The following KCTD1 variants were observed in gnomAD, a reference collection of about 807,000 sequenced individuals.
KCTD1 encodes the protein BTB/POZ domain-containing protein KCTD1.
In KCTD1, 24 loss-of-function variants were observed where a neutral mutation model predicts 66.0. That is an observed-to-expected ratio of 0.36 (90% CI 0.26 to 0.51). The LOEUF is 0.51. KCTD1 is among the 20% of genes least tolerant of loss of function. The pLI, the probability that KCTD1 is intolerant of heterozygous loss-of-function variation, is 0.95. For missense variants in KCTD1, 943 were observed against 1,205.2 expected (o/e 0.78, Z 3.22); for synonymous variants, 511 against 517.2 (o/e 0.99, Z 0.16).
chr18:26,646,715 G>A (rs1174968811), intron 1 of KCTD1, among the ~76,000 whole-genome samples: 2 of 151,994 alleles, frequency 1.3e-5, no homozygotes, highest in Non-Finnish European at 2.9e-5. Flanking sequence ...TTTTTTAAGA[G>A]GGAAAAAGAA....
intron 1 of KCTD1, among the ~76,000 whole-genome samples, chr18:26,576,579 G>GA (rs1175722573): frequency 6.6e-6 from 1 of 152,082 alleles, no homozygotes; most frequent in Admixed American, 6.6e-5. Flanking sequence ...ATACAGAGGG[G>GA]AAAAAATGAA....
intron 1 of KCTD1, among the ~76,000 whole-genome samples, chr18:26,503,174 C>T (rs1190860030): frequency 6.6e-6 from 1 of 152,020 alleles, no homozygotes; most frequent in Non-Finnish European, 1.5e-5. Context: ...GGCTGGTCGG[C>T]TCAAGGGTGT....
At chr18:26,599,808 A>G in intron 1 of KCTD1, 1 of 1,561,124 alleles carries the variant, frequency 6.4e-7, no homozygotes, top group Non-Finnish European at 8.8e-7. Context: ...GGGAGCCCCT[A>G]ACCCCTGAGG....
chr18:26,496,932 G>A (rs186134370), intron 2 of KCTD1, among the ~76,000 whole-genome samples: 34 of 152,306 alleles, frequency 2.2e-4, no homozygotes, highest in African/African-American at 8.2e-4. Flanking sequence ...GTCAGATGGT[G>A]AAAATCAAGA....
chr18:26,472,685 C>T (rs756168316), intron 3 of KCTD1, among the ~76,000 whole-genome samples: 17 of 152,188 alleles, frequency 1.1e-4, no homozygotes, highest in Non-Finnish European at 2.1e-4. Flanking sequence ...GGGGAGCGCC[C>T]GACGTTGGTG....
chr18:26,492,344 C>T (rs761728207), intron 2 of KCTD1, among the ~76,000 whole-genome samples: 2 of 151,990 alleles, frequency 1.3e-5, no homozygotes, highest in Non-Finnish European at 2.9e-5. Flanking sequence ...TGAGAACCAT[C>T]ATTATGAGGC....
chr18:26,481,274 T>C lies in KCTD1; in HGVS notation c.1989-4615A>G, dbSNP rs530971155. On this transcript the variant is annotated intron_variant, in intron 2 of 4. Transcript: ENST00000580059. ...GGGTGTGCACAGTGGGCTCAGGAGG[T>C]GCACCTGGCTCACCTAACTCAATCT... is the stretch of plus-strand genomic sequence containing the variant. 7.2e-5 allele frequency among the ~76,000 whole-genome samples: 11 copies of C among 152,106 alleles called. No homozygotes were observed. The South Asian group carries it at 2.1e-3, about 29-fold the overall frequency.
chr18:26,488,120 C>G (rs1343930616), intron 2 of KCTD1, among the ~76,000 whole-genome samples: 2 of 152,182 alleles, frequency 1.3e-5, no homozygotes, highest in Non-Finnish European at 2.9e-5. Context: ...AAATACAAAC[C>G]ATATCTTCCC....
intron 2 of KCTD1, among the ~76,000 whole-genome samples, chr18:26,480,039 A>AT (rs1567961945): frequency 5.4e-5 from 5 of 92,524 alleles, no homozygotes; most frequent in African/African-American, 1.7e-4. Context: ...CTGGTTTTGG[A>AT]ATTTTTTTTT....
chr18:26,548,462 G>C lies in KCTD1; in HGVS notation c.75C>G (p.Ala25=). The C allele has an allele frequency of 6.3e-6, 8 of 1,262,166 alleles. No individual in the cohort carries two copies. The highest frequency in any genetic ancestry group is 4.7e-5 in the African/African-American group (3 of 64,318). The allele number at this position is 1,262,166 out of a possible 1,614,324, so 78.2% of individuals were successfully genotyped here. ...CCTCGCCCCGCTCCCCATTGTTCTC[G>C]GCGGCGGCGGCGGCAGCGCTGGCGC... ...GGSASAAAAA[A]ENNGERGEGE... is the part of the protein sequence containing the mutation. Residue 25 remains alanine (A), a synonymous_variant, in exon 1 of 5, where the codon GCC becomes GCG. Transcript: ENST00000580059.
At chr18:26,618,109 A>AG (rs1028439903) in intron 1 of KCTD1, among the ~76,000 whole-genome samples, 2 of 150,010 alleles carry the variant, frequency 1.3e-5, no homozygotes, top group African/African-American at 4.9e-5. Context: ...AAAAAAAACA[A>AG]AAAAGACTCT....
rs1432449210 is a variant in KCTD1, at chr18:26,455,787, G to A, written c.2554C>T (p.Arg852Cys). ...TTTATCCGGATGACGGAGGGTACAC[G>A]GGGCGTCCGCCTCAGTTCCCGCCGA... ...VLRRELRRTP[R>C]VPSVIRIKQE... Residue 852 changes from arginine (R) to cysteine (C), a missense_variant, in exon 5 of 5, where the codon CGT becomes TGT. Arg to Cys is a radical substitution (Grantham distance 180). Transcript: ENST00000580059. 2.5e-6 allele frequency: 4 copies of A among 1,613,982 alleles called. No homozygotes were observed. The highest frequency in any genetic ancestry group is 3.4e-6 in the Non-Finnish European group (4 of 1,180,034).
upstream of KCTD1, among the ~76,000 whole-genome samples, chr18:26,645,036 C>A (rs546845950): frequency 6.6e-6 from 1 of 152,120 alleles, no homozygotes; most frequent in Non-Finnish European, 1.5e-5. Context: ...CCTTCCCTAA[C>A]GTGTATGTTC....
At chr18:26,594,587 G>C (rs1986723511) in intron 1 of KCTD1, among the ~76,000 whole-genome samples, 1 of 152,200 alleles carries the variant, frequency 6.6e-6, no homozygotes, top group Admixed American at 6.5e-5. Context: ...CAATCAGAGA[G>C]TATCTGCTCC....
chr18:26,639,759 C>T (rs2145060607), intron 1 of KCTD1, among the ~76,000 whole-genome samples: 1 of 152,260 alleles, frequency 6.6e-6, no homozygotes, highest in African/African-American at 2.4e-5. Context: ...TCCACGTTTT[C>T]AGATGAGGAT....
At chr18:26,604,906 A>G (rs574845968) in intron 1 of KCTD1, among the ~76,000 whole-genome samples, 1 of 152,334 alleles carries the variant, frequency 6.6e-6, no homozygotes, top group East Asian at 1.9e-4. Flanking sequence ...TTAAAAAAAA[A>G]TAAAGAAACT....
At chr18:26,486,663 T>C (rs891935590) in intron 2 of KCTD1, among the ~76,000 whole-genome samples, 1 of 152,240 alleles carries the variant, frequency 6.6e-6, no homozygotes, top group Non-Finnish European at 1.5e-5. Context: ...CCCCTGTGAC[T>C]GCTGCTCTCC....
Position 26,468,608 on chromosome 18 carries a change from G to T in KCTD1, c.2133+7907C>A, listed in dbSNP as rs1980878069. Among the ~76,000 whole-genome samples the T allele has an allele frequency of 6.6e-6, 1 of 152,166 alleles. No individual in the cohort carries two copies. The highest frequency in any genetic ancestry group is 1.5e-5 in the Non-Finnish European group (1 of 68,028). ...ACACTTTGGGATGCTGAGGTGGGCG[G>T]ATCATTTGAGGTCAGGAGTTTGAGA... On this transcript the variant is annotated intron_variant, in intron 3 of 4. Transcript: ENST00000580059. This position sits in a 1 kb window ranked among gnomAD's most constrained non-coding sequence, Gnocchi z 4.8.
intron 1 of KCTD1, among the ~76,000 whole-genome samples, chr18:26,509,207 T>C (rs1983209543): frequency 6.6e-6 from 1 of 151,328 alleles, no homozygotes. Context: ...ATGAGTACTG[T>C]ATGCATAATT....
Sources: gnomAD v4.1 joint callset for allele counts (sites outside exome capture counted in the v4.1 genomes callset) on GRCh38, gnomAD v4.1.1 for gene constraint, Gnocchi (gnomAD v3.1) non-coding constraint, MANE v1.5 for transcripts, NCBI Gene and HGNC (gene_info 2026-07-23, HGNC 2026-07-21) for gene names.